ECT2: variants seen among roughly 807,000 people sequenced by gnomAD.
ECT2 encodes the protein protein ECT2.
Under a neutral mutation model 116.9 loss-of-function variants are expected in ECT2, and 61 were observed. The observed-to-expected ratio is 0.52, with a 90% CI of 0.42 to 0.65. The LOEUF is 0.65. ECT2 is among the 30% of genes least tolerant of loss of function. The pLI is 0.00. For synonymous variants in ECT2, 358 were observed against 346.4 expected, an observed-to-expected ratio of 1.03 and a Z score of -0.37; for missense variants, 937 against 1,078.7, an observed-to-expected ratio of 0.87 and a Z score of 1.84.
chr3:172,818,848 C>G, intron 24 of ECT2: 7 of 1,098,178 alleles, frequency 6.4e-6, no homozygotes, highest in Admixed American at 4.6e-5. Flanking sequence ...TTTGTATTTG[C>G]GGGAAAAAAA....
intron 18 of ECT2, among the ~76,000 whole-genome samples, chr3:172,794,687 A>G (rs1022947152): frequency 4.6e-5 from 7 of 152,168 alleles, no homozygotes; most frequent in Non-Finnish European, 7.3e-5. Context: ...GAATTTGTAC[A>G]TCAATTTTAG....
chr3:172,779,543 A>T (rs1722323215), intron 14 of ECT2, among the ~76,000 whole-genome samples: 1 of 152,216 alleles, frequency 6.6e-6, no homozygotes, highest in African/African-American at 2.4e-5. Context: ...AATATTATTT[A>T]ACATGTATTA....
At chr3:172,815,457 A>C in intron 22 of ECT2, 147 bp from the exon 23 acceptor site, 1 of 549,380 alleles carries the variant, frequency 1.8e-6, no homozygotes, top group Non-Finnish European at 3.2e-6. Flanking sequence ...AAGTCAGTAC[A>C]TTTCAGGGTA....
intron 14 of ECT2, among the ~76,000 whole-genome samples, chr3:172,778,588 C>CTTTTTTTTTTTTT (rs5854485): frequency 1.7e-5 from 1 of 59,778 alleles, no homozygotes; most frequent in Non-Finnish European, 3.1e-5. Flanking sequence ...TATTAGCTAT[C>CTTTTTTTTTTTTT]TTTTTTTTTT....
chr3:172,754,331 G>T (rs762199046), intron 1 of ECT2, 178 bp from the exon 2 acceptor site: 4 of 476,370 alleles, frequency 8.4e-6, no homozygotes, highest in African/African-American at 2.0e-5. Flanking sequence ...TCAGGTATTA[G>T]TATGTTTATT....
At chr3:172,778,486 C>T (rs1722136777) in intron 14 of ECT2, among the ~76,000 whole-genome samples, 1 of 151,520 alleles carries the variant, frequency 6.6e-6, no homozygotes, top group Non-Finnish European at 1.5e-5. Context: ...TCAGACAATA[C>T]TGAGTTTCAA....
intron 5 of ECT2, among the ~76,000 whole-genome samples, chr3:172,757,640 C>A (rs576909209): frequency 6.6e-6 from 1 of 152,000 alleles, no homozygotes; most frequent in African/African-American, 2.4e-5. Flanking sequence ...TGGTCTTGAT[C>A]TCCTGACCTC....
At chr3:172,754,833 G>T (rs768907305) in intron 2 of ECT2, among the ~76,000 whole-genome samples, 173 bp downstream of exon 2, 1 of 152,112 alleles carries the variant, frequency 6.6e-6, no homozygotes, top group African/African-American at 2.4e-5. Flanking sequence ...TTATTATTTG[G>T]GTTATTTGTA....
chr3:172,828,815 TAGG>T, the ECT2 span: 2 of 759,970 alleles, frequency 2.6e-6, no homozygotes, highest in Non-Finnish European at 2.2e-6. Context: ...CAGAATGGCA[TAGG>T]AGAAGAGCTA....
At position 172,802,606 on chromosome 3, in the gene ECT2, T is replaced by C. The variant is rs2109026871; in HGVS notation, c.1908-10T>C. On this transcript the variant is annotated splice_polypyrimidine_tract_variant and intron_variant, in intron 18 of 24. Transcript: ENST00000392692. ...CTATTTTAAAAGTTTTAAAAATAAC[T>C]ATTTTTCAGGCATATTAATGAGGAT... 6.6e-7 allele frequency: 1 copy of C among 1,512,866 alleles called. No homozygotes were observed. The highest frequency in any genetic ancestry group is 1.4e-5 in the African/African-American group (1 of 71,192). The allele number at this position is 1,512,866 out of a possible 1,614,324, so 93.7% of individuals were successfully genotyped here. A position where few individuals can be genotyped will look rare whatever the true frequency, so the allele number is the denominator to read the frequency against.
chr3:172,813,518 G>A (rs1319299470), intron 22 of ECT2, among the ~76,000 whole-genome samples: 1 of 151,846 alleles, frequency 6.6e-6, no homozygotes, highest in Non-Finnish European at 1.5e-5. Context: ...CCAACATGTG[G>A]TTTAATATTT....
intron 20 of ECT2, among the ~76,000 whole-genome samples, chr3:172,804,207 A>T (rs1347456528): frequency 6.6e-6 from 1 of 152,186 alleles, no homozygotes; most frequent in African/African-American, 2.4e-5. Context: ...TATTTATAGT[A>T]TAGAATACAA....
chr3:172,758,321 T>A (rs1259257599), intron 5 of ECT2, among the ~76,000 whole-genome samples: 3 of 152,232 alleles, frequency 2.0e-5, no homozygotes, highest in Admixed American at 6.5e-5. Flanking sequence ...TAAGCACATG[T>A]TAACCTTTAA....
chr3:172,803,107 A>T, intron 20 of ECT2, 127 bp downstream of exon 20: 12 of 884,968 alleles, frequency 1.4e-5, no homozygotes. Context: ...CTTTTTTTAA[A>T]AAAATCGAGG....
chr3:172,781,725 C>A (rs1722730214), intron 14 of ECT2, among the ~76,000 whole-genome samples: 1 of 152,158 alleles, frequency 6.6e-6, no homozygotes, highest in South Asian at 2.1e-4. Context: ...CACAGCCACA[C>A]TCATTTATTC....
intron 14 of ECT2, among the ~76,000 whole-genome samples, chr3:172,778,588 C>CTT (rs5854485): frequency 0.017 from 1,006 of 59,786 alleles, 51 homozygotes; most frequent in African/African-American, 0.047. Flanking sequence ...TATTAGCTAT[C>CTT]TTTTTTTTTT....
At chr3:172,759,152 G>T in intron 6 of ECT2, 83 bp downstream of exon 6, 3 of 938,544 alleles carry the variant, frequency 3.2e-6, no homozygotes, top group Non-Finnish European at 4.7e-6. Context: ...TTAGTATTAT[G>T]GTTTTATTTT....
At chr3:172,779,496 T>C (rs1722317043) in intron 14 of ECT2, among the ~76,000 whole-genome samples, 1 of 152,212 alleles carries the variant, frequency 6.6e-6, no homozygotes, top group Non-Finnish European at 1.5e-5. Flanking sequence ...CCTATGTGGA[T>C]TTTATATATT....
chr3:172,784,162 C>T (rs1041130074), intron 16 of ECT2, among the ~76,000 whole-genome samples: 1 of 151,104 alleles, frequency 6.6e-6, no homozygotes, highest in African/African-American at 2.4e-5. Flanking sequence ...TAAATTGTGG[C>T]CGGGTGCACC....
Sources: gnomAD v4.1 joint callset for allele counts (sites outside exome capture counted in the v4.1 genomes callset) on GRCh38, gnomAD v4.1.1 for gene constraint, MANE v1.5 for transcripts, NCBI Gene and HGNC (gene_info 2026-07-23, HGNC 2026-07-21) for gene names.